The following ANKS1B variants were observed in gnomAD, a reference collection of about 807,000 sequenced individuals.
ANKS1B encodes the protein ankyrin repeat and sterile alpha motif domain containing 1B, also known as ankyrin repeat and sterile alpha motif domain-containing protein 1B.
Under a neutral mutation model 148.3 loss-of-function variants are expected in ANKS1B, and 36 were observed. The ratio of observed to expected loss-of-function variants is 0.24; its 90% confidence interval spans 0.19 to 0.32. The LOEUF (loss-of-function observed/expected upper bound fraction) is 0.32, where lower values mean the gene tolerates loss of function less well. Among genes scored for constraint, ANKS1B ranks in the 10% least tolerant of loss-of-function variants. The pLI is 1.00. For missense variants in ANKS1B, 1,157 were observed against 1,542.6 expected (o/e 0.75, Z 4.19); for synonymous variants, 542 against 560.8 (o/e 0.97, Z 0.47).
intron 17 of ANKS1B, among the ~76,000 whole-genome samples, chr12:98,920,028 T>G (rs973953590): frequency 3.9e-5 from 6 of 152,216 alleles, no homozygotes; most frequent in African/African-American, 1.4e-4. Flanking sequence ...GCAAATTGGG[T>G]GGCTTAAACA....
chr12:99,180,401 T>G (rs769228723), intron 14 of ANKS1B, among the ~76,000 whole-genome samples: 14 of 152,226 alleles, frequency 9.2e-5, no homozygotes, highest in Non-Finnish European at 1.8e-4. Context: ...ACAGATATTC[T>G]AAATAAATGG....
Position 99,399,707 on chromosome 12 carries a change from A to G in ANKS1B, c.1680T>C (p.Thr560=), listed in dbSNP as rs1386526711. 1 of 1,613,588 alleles carries G rather than the reference A, an allele frequency of 6.2e-7. No individual in the cohort carries two copies. The highest frequency in any genetic ancestry group is 8.5e-7 in the Non-Finnish European group (1 of 1,179,550). Residue 560 remains threonine, a synonymous_variant, in exon 12 of 27, where the codon ACT becomes ACC. Transcript: ENST00000683438. The part of the protein sequence containing the change: ...INTSTGCTSF[T]ASPPASPPTS... ...TGGGTGGACTAGCAGGAGGACTGGC[A>G]GTAAAGCTTGTGCACCCTGTAGATG...
At chr12:99,343,721 A>G (rs546039590) in intron 12 of ANKS1B, 2 of 152,058 alleles carry the variant, frequency 1.3e-5, no homozygotes, top group East Asian at 1.9e-4. Flanking sequence ...TTTACATCCA[A>G]TATTTTTGAA....
In ANKS1B at chr12:98,751,406, G is replaced by A. The variant is rs2098087623; in HGVS notation, c.3696C>T (p.Asn1232=). The A allele has an allele frequency of 6.2e-7, 1 of 1,613,864 alleles. No homozygotes were observed. The highest frequency in any genetic ancestry group is 1.1e-5 in the South Asian group (1 of 91,082). The change falls in exon 26 of 27, where the codon AAC becomes AAT. Residue 1232 remains asparagine, a synonymous_variant. Coordinates refer to ENST00000683438, the MANE Select transcript of ANKS1B (RefSeq NM_001352186.2). This position sits in a 1 kb window ranked among gnomAD's most constrained non-coding sequence, Gnocchi z 4.3. ...HSSTLPESFE[N]KPSKPIPKPR... ...GCTTGGGGATGGGTTTGGAGGGTTT[G>A]TTTTCAAAGCTTTCTGGAAGTGTGG...
intron 8 of ANKS1B, among the ~76,000 whole-genome samples, chr12:99,738,353 A>C (rs1233649645): frequency 2.0e-5 from 3 of 152,208 alleles, no homozygotes; most frequent in Non-Finnish European, 4.4e-5. Flanking sequence ...GGAACAATAC[A>C]GAAGTCTTCC....
chr12:99,711,169 A>G (rs1357083641), intron 8 of ANKS1B, among the ~76,000 whole-genome samples: 1 of 152,182 alleles, frequency 6.6e-6, no homozygotes, highest in African/African-American at 2.4e-5. Context: ...ATAAACTGGA[A>G]TGCAAGGTGC....
chr12:99,560,840 C>CTTTTTTTTT (rs58588885), intron 9 of ANKS1B, among the ~76,000 whole-genome samples: 110 of 71,898 alleles, frequency 1.5e-3, no homozygotes, highest in East Asian at 4.9e-3. Context: ...TTTCTTTTTT[C>CTTTTTTTTT]TTTTTTTTTT....
intron 13 of ANKS1B, 97 bp downstream of exon 13, chr12:99,246,178 T>G: frequency 1.1e-6 from 1 of 909,280 alleles, no homozygotes; most frequent in South Asian, 2.2e-5. Flanking sequence ...TTTTTTTTTC[T>G]TGCTTTTGAA....
intron 9 of ANKS1B, among the ~76,000 whole-genome samples, chr12:99,521,246 A>T (rs994313939): frequency 6.6e-6 from 1 of 152,044 alleles, no homozygotes; most frequent in African/African-American, 2.4e-5. Flanking sequence ...TAATTATTTC[A>T]TTCTCTTTGT....
At chr12:99,141,890 C>T (rs1470160212) in intron 15 of ANKS1B, among the ~76,000 whole-genome samples, 2 of 152,110 alleles carry the variant, frequency 1.3e-5, no homozygotes, top group Non-Finnish European at 1.5e-5. Context: ...TAACTGATAA[C>T]TTTCCCATGG....
intron 9 of ANKS1B, among the ~76,000 whole-genome samples, chr12:99,540,341 C>T (rs192436201): frequency 1.3e-5 from 2 of 152,198 alleles, no homozygotes; most frequent in East Asian, 3.9e-4. Context: ...ACTACTCTAC[C>T]AAACAACAGC....
chr12:99,809,097 G>T (rs1157226470), intron 3 of ANKS1B, among the ~76,000 whole-genome samples: 1 of 152,082 alleles, frequency 6.6e-6, no homozygotes, highest in African/African-American at 2.4e-5. Flanking sequence ...GAAATAAATA[G>T]GCTGTGATGA....
chr12:99,891,804 A>G (rs1230396163), intron 1 of ANKS1B, among the ~76,000 whole-genome samples: 1 of 152,166 alleles, frequency 6.6e-6, no homozygotes, highest in Non-Finnish European at 1.5e-5. Context: ...TTAGAAAAAA[A>G]TCTTTACCTT....
At chr12:99,917,552 G>A (rs1206344479) in intron 1 of ANKS1B, among the ~76,000 whole-genome samples, 2 of 152,216 alleles carry the variant, frequency 1.3e-5, no homozygotes, top group Non-Finnish European at 2.9e-5. Context: ...ATTTGTGGCA[G>A]GTTGATTACA....
chr12:99,004,913 C>T lies in ANKS1B; in HGVS notation c.2778+48244G>A, dbSNP rs530882274. On this transcript the variant is annotated intron_variant, in intron 17 of 26. Transcript: ENST00000683438. ...CAGAAGGTTTTTCTCCAGTGTCACT[C>T]GCACACCTATTATAATATTTGCCTG... Among the ~76,000 whole-genome samples, 8 of 152,180 alleles carry T rather than the reference C, an allele frequency of 5.3e-5. No homozygotes were observed. In the South Asian group the frequency reaches 8.3e-4, roughly 16 times the overall value.
rs111289629 is a variant in ANKS1B, at chr12:99,792,095, C to A, written c.670-9998G>T. On this transcript the variant is annotated intron_variant, in intron 4 of 26. Coordinates refer to ENST00000683438, the MANE Select transcript of ANKS1B (RefSeq NM_001352186.2). ...CTAATATCACAGAAATTCAAAGGAT[C>A]ATGAGTGGCTGATATGAACAACTAC... 9.7e-3 allele frequency among the ~76,000 whole-genome samples: 1,466 copies of A among 151,878 alleles called. 14 individuals carry two copies. The highest frequency in any genetic ancestry group is 0.033 in the African/African-American group (1,369 of 41,486).
chr12:99,028,654 T>C (rs186294133), intron 17 of ANKS1B, among the ~76,000 whole-genome samples: 1 of 152,210 alleles, frequency 6.6e-6, no homozygotes, highest in Non-Finnish European at 1.5e-5. Flanking sequence ...CCTATGAAGG[T>C]TATTTTACTT....
chr12:99,834,748 T>C (rs1042735135), intron 1 of ANKS1B, among the ~76,000 whole-genome samples: 1 of 152,160 alleles, frequency 6.6e-6, no homozygotes, highest in African/African-American at 2.4e-5. Flanking sequence ...GGAAAATCTA[T>C]CAGAAATAAC....
intron 9 of ANKS1B, among the ~76,000 whole-genome samples, chr12:99,606,963 C>T (rs926921719): frequency 6.6e-6 from 1 of 152,134 alleles, no homozygotes; most frequent in Non-Finnish European, 1.5e-5. Flanking sequence ...AACATCCACT[C>T]AGCACCCAGA....
Sources: gnomAD v4.1 joint callset for allele counts (sites outside exome capture counted in the v4.1 genomes callset) on GRCh38, gnomAD v4.1.1 for gene constraint, Gnocchi (gnomAD v3.1) non-coding constraint, MANE v1.5 for transcripts, NCBI Gene and HGNC (gene_info 2026-07-23, HGNC 2026-07-21) for gene names.